Variants in USP10 observed in about 807,000 individuals in gnomAD.
USP10 encodes the protein ubiquitin specific peptidase 10.
USP10 carries 22 observed loss-of-function variants against 84.5 expected under a neutral mutation model. That is an observed-to-expected ratio of 0.26 (90% confidence interval 0.19 to 0.37). The LOEUF (loss-of-function observed/expected upper bound fraction) is 0.37, where lower values mean the gene tolerates loss of function less well. Among genes scored for constraint, USP10 ranks in the 10% least tolerant of loss-of-function variants. The pLI is 1.00. For missense variants in USP10, 1,019 were observed against 998.9 expected, an observed-to-expected ratio of 1.02 and a Z score of -0.27; for synonymous variants, 454 against 387.6, an observed-to-expected ratio of 1.17 and a Z score of -2.01.
rs184672663 is a variant in USP10, at chr16:84,706,732, G to A, written c.21+6621G>A. 1.4e-3 allele frequency among the ~76,000 whole-genome samples: 214 copies of A among 151,888 alleles called. 1 individual carries two copies. In the Middle Eastern group the frequency reaches 0.021, roughly 15 times the overall value. ...ATTTTTTGTATTTTTAGTAGAGACG[G>A]GGTTTCACGGTGTTAGCCAGGATGG... On this transcript the variant is annotated intron_variant, in intron 1 of 13. Transcript: ENST00000219473.
At chr16:84,747,407 T>C (rs150086680) in intron 4 of USP10, among the ~76,000 whole-genome samples, 2,500 of 152,246 alleles carry the variant, frequency 0.016, 236 homozygotes, top group Admixed American at 0.15. Context: ...TAGCAAGCAA[T>C]GTATATATAT....
intron 4 of USP10, among the ~76,000 whole-genome samples, chr16:84,755,997 T>A (rs1053662772): frequency 1.3e-5 from 2 of 152,128 alleles, no homozygotes; most frequent in Non-Finnish European, 2.9e-5. Context: ...TTCTAGTATA[T>A]CTGTTCTTCC....
intron 2 of USP10, among the ~76,000 whole-genome samples, chr16:84,739,077 G>C (rs1401780260): frequency 1.1e-5 from 1 of 89,650 alleles, no homozygotes; most frequent in African/African-American, 3.8e-5. Flanking sequence ...TTTTTTTTTT[G>C]AGACAGAGTC....
At chr16:84,700,622 T>C (rs1470583691) in intron 1 of USP10, among the ~76,000 whole-genome samples, 1 of 152,060 alleles carries the variant, frequency 6.6e-6, no homozygotes, top group Non-Finnish European at 1.5e-5. Context: ...ATGCGGGGGT[T>C]GCCGATTTTC....
chr16:84,707,304 A>G (rs185057652), intron 1 of USP10, among the ~76,000 whole-genome samples: 32 of 152,370 alleles, frequency 2.1e-4, no homozygotes, highest in African/African-American at 6.3e-4. Context: ...GTTACTAATT[A>G]CAAAATTTGT....
intron 11 of USP10, among the ~76,000 whole-genome samples, chr16:84,768,932 C>G (rs1049517752): frequency 6.6e-6 from 1 of 152,116 alleles, no homozygotes; most frequent in African/African-American, 2.4e-5. Flanking sequence ...TGGTGGAGTC[C>G]TTGTCAACTC....
At chr16:84,739,580 A>G (rs1429505948) in intron 2 of USP10, among the ~76,000 whole-genome samples, 3 of 152,108 alleles carry the variant, frequency 2.0e-5, no homozygotes, top group East Asian at 3.8e-4. Flanking sequence ...GCCCCTTCCT[A>G]AACTTTCTTA....
At chr16:84,769,570 G>A (rs1914210050) in intron 11 of USP10, among the ~76,000 whole-genome samples, 1 of 99,712 alleles carries the variant, frequency 1.0e-5, no homozygotes, top group African/African-American at 3.7e-5. Flanking sequence ...TGGTTGGGTG[G>A]TTCAGTTGTG....
rs765919564 is a variant in USP10 at position 84,744,697 on chromosome 16, G to A, written c.216G>A (p.Pro72=). The stretch of plus-strand genomic sequence containing the variant: ...TCATTGAACCCAGTGACACTTTGCC[G>A]AGAACCCCCAGCTACAGTATTTCAA... ...DEVIEPSDTL[P]RTPSYSISST... Residue 72 remains proline, a synonymous_variant, in exon 4 of 14, where the codon CCG becomes CCA. Coordinates refer to ENST00000219473, the MANE Select transcript of USP10 (RefSeq NM_005153.3). 6.8e-6 allele frequency: 11 copies of A among 1,613,476 alleles called. No individual in the cohort carries two copies. Among genetic ancestry groups the A allele is most frequent in the Non-Finnish European group, 9.3e-6 (11 of 1,179,692 alleles).
chr16:84,713,450 A>T (rs1906573103), intron 1 of USP10, among the ~76,000 whole-genome samples: 1 of 151,684 alleles, frequency 6.6e-6, no homozygotes, highest in African/African-American at 2.4e-5. Flanking sequence ...TTCACACCTA[A>T]TACCCTACAT....
chr16:84,703,006 A>AAAAAAAAG (rs1905087800), intron 1 of USP10, among the ~76,000 whole-genome samples: 3 of 150,712 alleles, frequency 2.0e-5, no homozygotes, highest in Admixed American at 1.3e-4. Context: ...AAAAAAAAAA[A>AAAAAAAAG]AAAAAAAGAG....
intron 1 of USP10, among the ~76,000 whole-genome samples, chr16:84,720,616 G>A (rs982889676): frequency 1.8e-5 from 2 of 110,678 alleles, no homozygotes; most frequent in African/African-American, 6.8e-5. Context: ...GAGCCTCGCT[G>A]TGTTGCCCAG....
At chr16:84,774,799 T>C (rs954450329) in intron 12 of USP10, among the ~76,000 whole-genome samples, 1 of 152,230 alleles carries the variant, frequency 6.6e-6, no homozygotes, top group African/African-American at 2.4e-5. Flanking sequence ...CTGACGCATA[T>C]GTAAAATTTT....
At chr16:84,748,025 G>C (rs1467872846) in intron 4 of USP10, among the ~76,000 whole-genome samples, 1 of 151,394 alleles carries the variant, frequency 6.6e-6, no homozygotes, top group Non-Finnish European at 1.5e-5. Flanking sequence ...GTGGTGGCGG[G>C]CGCCTGTAGT....
intron 1 of USP10, among the ~76,000 whole-genome samples, chr16:84,706,149 C>G (rs1206450516): frequency 6.6e-6 from 1 of 152,146 alleles, no homozygotes; most frequent in African/African-American, 2.4e-5. Context: ...TCCTAAAGTA[C>G]TGGGATTACA....
At chr16:84,744,224 C>G (rs1347248951) in intron 3 of USP10, among the ~76,000 whole-genome samples, 3 of 152,004 alleles carry the variant, frequency 2.0e-5, no homozygotes, top group African/African-American at 4.8e-5. Flanking sequence ...TTTTAAGTCC[C>G]TAAGTTAGTT....
intron 1 of USP10, among the ~76,000 whole-genome samples, chr16:84,731,968 C>G (rs181077539): frequency 6.6e-6 from 1 of 152,246 alleles, no homozygotes; most frequent in East Asian, 1.9e-4. Context: ...CATTTCTGAA[C>G]CATTTTGAGG....
chr16:84,727,803 A>T (rs1184289983), intron 1 of USP10, among the ~76,000 whole-genome samples: 1 of 152,232 alleles, frequency 6.6e-6, no homozygotes, highest in Non-Finnish European at 1.5e-5. Context: ...GTATTTCCTA[A>T]GAATAGGCAT....
intron 1 of USP10, among the ~76,000 whole-genome samples, chr16:84,705,104 G>A (rs1905304487): frequency 6.6e-6 from 1 of 152,150 alleles, no homozygotes; most frequent in Admixed American, 6.5e-5. Flanking sequence ...TATTTTTCTG[G>A]TATTAGCTGG....
Sources: allele counts gnomAD v4.1 joint callset (sites outside exome capture counted in the v4.1 genomes callset), GRCh38; gene constraint gnomAD v4.1.1; transcripts MANE v1.5; gene names NCBI Gene and HGNC (gene_info 2026-07-23, HGNC 2026-07-21).